Variants in KLHL5 observed in about 807,000 individuals in gnomAD.
The protein encoded by KLHL5 is kelch like family member 5, also known as kelch-like protein 5.
Under a neutral mutation model 77.7 loss-of-function variants are expected in KLHL5, and 48 were observed. That is an observed-to-expected ratio of 0.62 (90% CI 0.49 to 0.79). The LOEUF (loss-of-function observed/expected upper bound fraction) is 0.79, where lower values mean the gene tolerates loss of function less well. Ranked by LOEUF, KLHL5 falls within the 30% of genes least tolerant of loss-of-function variation. The pLI is 0.00. For missense variants in KLHL5, 723 were observed against 859.7 expected (o/e 0.84, Z 1.99); for synonymous variants, 260 against 297.0 (o/e 0.88, Z 1.28).
chr4:39,055,095 A>T (rs1716916040), intron 1 of KLHL5, among the ~76,000 whole-genome samples: 1 of 152,254 alleles, frequency 6.6e-6, no homozygotes, highest in Non-Finnish European at 1.5e-5. Flanking sequence ...TAAAGGCTGG[A>T]TAATTCTAAG....
At position 39,086,662 on chromosome 4, in the gene KLHL5, G is replaced by A. The variant is rs140333738; in HGVS notation, c.1048G>A (p.Glu350Lys). The change falls in exon 5 of 11, where the codon GAA becomes AAA. Residue 350 changes from glutamate (E) to lysine (K), a missense_variant. Around this residue, in one of 3 missense-constraint regions of KLHL5, gnomAD observed 288 missense variants for 400.3 expected, o/e 0.72. Coordinates refer to ENST00000504108, the MANE Select transcript of KLHL5 (RefSeq NM_015990.5). ...ALLTWVRHDLEQRRKDLSKLL... is the reference protein window; with the variant it reads ...ALLTWVRHDLKQRRKDLSKLL... ...TCTTACTTGGGTCCGTCATGATTTG[G>A]AACAGAGACGGAAAGATCTAAGTAA... is the stretch of plus-strand genomic sequence containing the variant. 3.7e-6 allele frequency: 6 copies of A among 1,613,846 alleles called. No homozygotes were observed. The African/African-American group carries it at 8.0e-5, about 22-fold the overall frequency.
chr4:39,076,621 A>G (rs1719068865), intron 2 of KLHL5, among the ~76,000 whole-genome samples: 1 of 152,184 alleles, frequency 6.6e-6, no homozygotes, highest in Admixed American at 6.5e-5. Flanking sequence ...AGCCTTTCCT[A>G]CAAATTACAT....
chr4:39,094,168 A>G (rs1577705182), intron 5 of KLHL5, among the ~76,000 whole-genome samples: 1 of 152,232 alleles, frequency 6.6e-6, no homozygotes, highest in East Asian at 1.9e-4. Flanking sequence ...GATTATTTGC[A>G]TAACACGTAG....
rs1399783528 is a variant in KLHL5, at chr4:39,125,954, A to G, written c.*4888A>G. ...GGATTTATATGCATCTGGAAGAGAA[A>G]TTTTTCACTGTAATTTGCAAATAAA... On this transcript the variant is annotated 3_prime_UTR_variant, in exon 11 of 11. Coordinates refer to ENST00000504108, the MANE Select transcript of KLHL5 (RefSeq NM_015990.5). Among the ~76,000 whole-genome samples, 1 of 152,212 alleles carries G rather than the reference A, an allele frequency of 6.6e-6. No homozygotes were observed. The highest frequency in any genetic ancestry group is 1.5e-5 in the Non-Finnish European group (1 of 68,042).
chr4:39,069,132 A>C (rs1038093364), intron 1 of KLHL5, among the ~76,000 whole-genome samples: 4 of 152,148 alleles, frequency 2.6e-5, no homozygotes, highest in Admixed American at 2.0e-4. Context: ...TCAGCATGCC[A>C]ACCTGTAGGA....
chr4:39,078,279 G>A (rs1303313884), intron 2 of KLHL5, among the ~76,000 whole-genome samples: 4 of 152,008 alleles, frequency 2.6e-5, no homozygotes, highest in Admixed American at 6.6e-5. Context: ...CCAGCTCCTC[G>A]GGAGGCTGAA....
At chr4:39,067,837 T>G (rs1718039742) in intron 1 of KLHL5, among the ~76,000 whole-genome samples, 1 of 152,068 alleles carries the variant, frequency 6.6e-6, no homozygotes, top group Admixed American at 6.6e-5. Context: ...CGTACCACCA[T>G]GCCTAGCTAA....
At chr4:39,128,469 A>T (rs1723654323), downstream of KLHL5, among the ~76,000 whole-genome samples, 1 of 152,096 alleles carries the variant, frequency 6.6e-6, no homozygotes, top group African/African-American at 2.4e-5. Context: ...GCAGTGTGGA[A>T]CATGTGCAGA....
chr4:39,106,507 T>C (rs1262128005), intron 7 of KLHL5, among the ~76,000 whole-genome samples: 1 of 152,254 alleles, frequency 6.6e-6, no homozygotes, highest in Non-Finnish European at 1.5e-5. Flanking sequence ...CAGTAGGTAT[T>C]TGTTGAATAA....
intron 1 of KLHL5, chr4:39,063,696 G>A (rs1284322463): frequency 3.1e-6 from 1 of 323,488 alleles, no homozygotes; most frequent in Non-Finnish European, 6.7e-6. Flanking sequence ...TCCTCCAGGA[G>A]AGTTTAAGGG....
intron 2 of KLHL5, among the ~76,000 whole-genome samples, chr4:39,079,814 G>C (rs1719441146): frequency 1.3e-5 from 2 of 152,080 alleles, no homozygotes; most frequent in South Asian, 4.2e-4. Flanking sequence ...ACACACATCA[G>C]TATTTGTTCA....
chr4:39,079,763 A>G (rs1317913816), intron 2 of KLHL5, among the ~76,000 whole-genome samples: 2 of 152,158 alleles, frequency 1.3e-5, no homozygotes, highest in South Asian at 4.1e-4. Context: ...TTTGTACCCA[A>G]TGTATCTCAA....
intron 4 of KLHL5, among the ~76,000 whole-genome samples, chr4:39,084,442 AT>A (rs1482908235): frequency 6.6e-6 from 1 of 152,238 alleles, no homozygotes; most frequent in Non-Finnish European, 1.5e-5. Flanking sequence ...AAAACATTTA[AT>A]TTTAAAACTT....
chr4:39,054,858 G>A (rs1232714082), intron 1 of KLHL5, among the ~76,000 whole-genome samples: 1 of 152,176 alleles, frequency 6.6e-6, no homozygotes, highest in East Asian at 1.9e-4. Context: ...TAGCTGACCT[G>A]TACATCTCTG....
At chr4:39,064,359 T>TGGTTA (rs541176124) in intron 1 of KLHL5, among the ~76,000 whole-genome samples, 103 of 152,264 alleles carry the variant, frequency 6.8e-4, no homozygotes, top group Non-Finnish European at 1.3e-3. Context: ...TGAGCTAATG[T>TGGTTA]GGTTCATTGT....
rs1719644477 is a variant in KLHL5 at position 39,081,829 on chromosome 4, G to A, written c.704-134G>A. ...CATTTAGTCCTTCTTTTCTTTTTGG[G>A]ATGTCTTAAACCATGTAGGTCTGTA... On this transcript the variant is annotated intron_variant, in intron 3 of 10. Transcript: ENST00000504108. This position sits in a 1 kb window ranked among gnomAD's most constrained non-coding sequence, Gnocchi z 4.3. 3.8e-6 allele frequency: 2 copies of A among 526,308 alleles called. No individual in the cohort carries two copies. Among genetic ancestry groups the A allele is most frequent in the South Asian group, 1.1e-4 (2 of 18,800 alleles). 32.6% of individuals were successfully genotyped at this position (526,308 alleles called of 1,614,324 possible).
At chr4:39,064,806 T>G (rs1274214159) in intron 1 of KLHL5, among the ~76,000 whole-genome samples, 4 of 152,078 alleles carry the variant, frequency 2.6e-5, no homozygotes, top group Non-Finnish European at 5.9e-5. Flanking sequence ...TGTGCATTCT[T>G]CAAGAATTTT....
rs747821607 is a variant in KLHL5, at chr4:39,082,101, CT to C, written c.846del (p.Phe282LeufsTer25). ...CCATCCAACTGTCTTGGAATTCGTT[CT>C]TTTGCTGATGCCCAAGGTTGTACAG... ...LHPSNCLGIRSFADAQGCTDL... is the reference protein window; with the variant it reads ...LHPSNCLGIRXFADAQGCTDL... On this transcript the variant is annotated frameshift_variant, in exon 4 of 11. Coordinates refer to ENST00000504108, the MANE Select transcript of KLHL5 (RefSeq NM_015990.5). LOFTEE classifies it high-confidence loss of function. 3.7e-6 allele frequency: 6 copies of C among 1,613,692 alleles called. No homozygotes were observed. In the African/African-American group the frequency reaches 8.0e-5, roughly 22 times the overall value.
At chr4:39,138,537 G>T in the KLHL5 span, among the ~76,000 whole-genome samples, 1 of 152,120 alleles carries the variant, frequency 6.6e-6, no homozygotes, top group African/African-American at 2.4e-5. Flanking sequence ...TCACTTATAA[G>T]TAGGAGCTAA....
Sources: allele counts gnomAD v4.1 joint callset (sites outside exome capture counted in the v4.1 genomes callset), GRCh38; gene constraint gnomAD v4.1.1; regional missense constraint gnomAD v4.1.1; non-coding constraint Gnocchi (gnomAD v3.1); transcripts MANE v1.5; gene names NCBI Gene and HGNC (gene_info 2026-07-23, HGNC 2026-07-21).